SPIDR: variants seen among roughly 807,000 people sequenced by gnomAD.
The protein encoded by SPIDR is scaffold protein involved in DNA repair.
In SPIDR, 93 loss-of-function variants were observed where a neutral mutation model predicts 104.6. The observed-to-expected ratio is 0.89, with a 90% confidence interval of 0.75 to 1.06. The LOEUF (loss-of-function observed/expected upper bound fraction) is 1.06. Among genes scored for constraint, SPIDR ranks in the 50% least tolerant of loss-of-function variants. The probability of loss-of-function intolerance (pLI) is 0.00; values close to 1 mark genes in which losing one functional copy is unlikely to be tolerated. For missense variants in SPIDR, 1,154 were observed against 1,111.2 expected (o/e 1.04, Z -0.55); for synonymous variants, 431 against 416.9 (o/e 1.03, Z -0.41).
intron 5 of SPIDR, among the ~76,000 whole-genome samples, chr8:47,297,269 G>T (rs1563516133): frequency 6.6e-6 from 1 of 152,116 alleles, no homozygotes; most frequent in African/African-American, 2.4e-5. Flanking sequence ...GCAAGAGCGG[G>T]CATTCTTATC....
At chr8:47,374,924 C>T (rs953886370) in intron 5 of SPIDR, among the ~76,000 whole-genome samples, 2 of 151,986 alleles carry the variant, frequency 1.3e-5, no homozygotes, top group East Asian at 1.9e-4. Context: ...AGTGTGGTGG[C>T]GGAGACCTGT....
At chr8:47,401,986 A>G (rs137862132) in intron 6 of SPIDR, among the ~76,000 whole-genome samples, 1,753 of 152,340 alleles carry the variant, frequency 0.012, 36 homozygotes, top group African/African-American at 0.04. Flanking sequence ...TAGCAGACCT[A>G]ATAGACATCT....
At chr8:47,464,919 C>T (rs1387263123) in intron 8 of SPIDR, among the ~76,000 whole-genome samples, 1 of 151,990 alleles carries the variant, frequency 6.6e-6, no homozygotes, top group Non-Finnish European at 1.5e-5. Flanking sequence ...GAGGCATGCA[C>T]CACCACACCT....
chr8:47,273,724 G>T lies in SPIDR; in HGVS notation c.34-6138G>T, dbSNP rs375439847. 2.6e-3 allele frequency among the ~76,000 whole-genome samples: 401 copies of T among 152,152 alleles called. 2 individuals carry two copies. The highest frequency in any genetic ancestry group is 0.021 in the South Asian group (103 of 4,808). On this transcript the variant is annotated intron_variant, in intron 1 of 19. Transcript: ENST00000297423. ...TCCTCCTACCGCAGCCTCCTGAGCA[G>T]CTGGGACCACAGGTTCATGCCACCA... is the stretch of plus-strand genomic sequence containing the variant.
intron 8 of SPIDR, chr8:47,592,681 C>T (rs1677114165): frequency 1.4e-6 from 1 of 718,808 alleles, no homozygotes; most frequent in African/African-American, 1.8e-5. Context: ...TAGAAGTCCT[C>T]CCTCCCTATT....
intron 8 of SPIDR, among the ~76,000 whole-genome samples, chr8:47,506,236 C>G (rs2081462893): frequency 1.3e-5 from 2 of 152,230 alleles, no homozygotes. Flanking sequence ...AGCACAAATG[C>G]TGCTATTTCA....
rs529572596 is a variant in SPIDR, at chr8:47,673,696, G to A, written c.1545-105G>A. On this transcript the variant is annotated intron_variant, in intron 10 of 19. Coordinates refer to ENST00000297423, the MANE Select transcript of SPIDR (RefSeq NM_001080394.4). Reference sequence around the variant, plus strand: ...TACTTTCTTTAAATTATATTGACCAGTCACAGCAGTATATAGTGGCTTTAT... The same window carrying A: ...TACTTTCTTTAAATTATATTGACCAATCACAGCAGTATATAGTGGCTTTAT... 6.3e-6 allele frequency: 9 copies of A among 1,435,656 alleles called. No homozygotes were observed. In the African/African-American group the frequency reaches 1.1e-4, roughly 18 times the overall value. 88.9% of individuals were successfully genotyped at this position (1,435,656 alleles called of 1,614,324 possible).
At chr8:47,387,362 C>T (rs2060079642) in intron 5 of SPIDR, among the ~76,000 whole-genome samples, 1 of 152,096 alleles carries the variant, frequency 6.6e-6, no homozygotes, top group Non-Finnish European at 1.5e-5. Flanking sequence ...GCATGGAATG[C>T]TCTGACTTAG....
intron 12 of SPIDR, among the ~76,000 whole-genome samples, chr8:47,701,454 A>C (rs2080170789): frequency 6.6e-6 from 1 of 152,174 alleles, no homozygotes; most frequent in African/African-American, 2.4e-5. Flanking sequence ...TAGATTACTT[A>C]AGAGGAAGTA....
intron 11 of SPIDR, among the ~76,000 whole-genome samples, chr8:47,684,183 A>G (rs1271447857): frequency 6.6e-6 from 1 of 151,868 alleles, no homozygotes; most frequent in Admixed American, 6.6e-5. Flanking sequence ...TCTGAACCTA[A>G]CAAACTGTTA....
intron 8 of SPIDR, among the ~76,000 whole-genome samples, chr8:47,461,281 G>A (rs1180907272): frequency 6.6e-6 from 1 of 152,136 alleles, no homozygotes; most frequent in Non-Finnish European, 1.5e-5. Flanking sequence ...AGGAACACCA[G>A]TTATTCTTAG....
intron 10 of SPIDR, among the ~76,000 whole-genome samples, chr8:47,658,672 C>T (rs756605764): frequency 1.3e-5 from 2 of 151,816 alleles, no homozygotes; most frequent in Non-Finnish European, 2.9e-5. Context: ...TGGTGGCTCA[C>T]GCCTGTAATC....
At chr8:47,733,248 A>G (rs528242792) in intron 19 of SPIDR, among the ~76,000 whole-genome samples, 2 of 152,038 alleles carry the variant, frequency 1.3e-5, no homozygotes, top group African/African-American at 4.8e-5. Flanking sequence ...TTAGCCAGGC[A>G]TGGTGGTGCG....
intron 7 of SPIDR, among the ~76,000 whole-genome samples, chr8:47,424,687 C>G (rs1321868016): frequency 1.3e-5 from 2 of 152,114 alleles, no homozygotes; most frequent in African/African-American, 4.8e-5. Context: ...AAAGAAGAAC[C>G]AGTGATAACA....
chr8:47,514,613 T>C (rs2082843632), intron 8 of SPIDR, among the ~76,000 whole-genome samples: 1 of 152,210 alleles, frequency 6.6e-6, no homozygotes, highest in Non-Finnish European at 1.5e-5. Context: ...GATGTGATTC[T>C]GAGGCTGTCA....
intron 8 of SPIDR, among the ~76,000 whole-genome samples, chr8:47,522,312 A>G (rs1276787844): frequency 6.6e-6 from 1 of 152,214 alleles, no homozygotes; most frequent in African/African-American, 2.4e-5. Context: ...GGGTTTCTGC[A>G]GCATCCACAA....
At chr8:47,503,305 A>G (rs1354858709) in intron 8 of SPIDR, among the ~76,000 whole-genome samples, 1 of 152,138 alleles carries the variant, frequency 6.6e-6, no homozygotes, top group Non-Finnish European at 1.5e-5. Flanking sequence ...GACTTGCTTT[A>G]TGAGTCTGGG....
At chr8:47,483,497 T>A (rs1266491052) in intron 8 of SPIDR, among the ~76,000 whole-genome samples, 1 of 152,222 alleles carries the variant, frequency 6.6e-6, no homozygotes, top group African/African-American at 2.4e-5. Flanking sequence ...TTGAGGTGAC[T>A]GTATTCCCAA....
At chr8:47,548,386 G>C (rs185584668) in intron 8 of SPIDR, among the ~76,000 whole-genome samples, 1 of 152,332 alleles carries the variant, frequency 6.6e-6, no homozygotes, top group Admixed American at 6.5e-5. Flanking sequence ...GGTGGCTCAC[G>C]CCTGTAATCC....
Sources: gnomAD v4.1 joint callset for allele counts (sites outside exome capture counted in the v4.1 genomes callset) on GRCh38, gnomAD v4.1.1 for gene constraint, MANE v1.5 for transcripts, NCBI Gene and HGNC (gene_info 2026-07-23, HGNC 2026-07-21) for gene names.